Variants in SYNPO observed in about 807,000 individuals in gnomAD.
SYNPO encodes synaptopodin.
SYNPO carries 19 observed loss-of-function variants against 49.5 expected under a neutral mutation model. The observed-to-expected ratio is 0.38, with a 90% CI of 0.27 to 0.56. SYNPO has a LOEUF of 0.56. Among genes scored for constraint, SYNPO ranks in the 20% least tolerant of loss-of-function variants. SYNPO has a pLI of 0.68. For missense variants in SYNPO, 1,131 were observed against 1,248.3 expected, an observed-to-expected ratio of 0.91 and a Z score of 1.42; for synonymous variants, 536 against 548.0, an observed-to-expected ratio of 0.98 and a Z score of 0.31.
chr5:150,623,849 G>A (rs1170897582), intron 2 of SYNPO, among the ~76,000 whole-genome samples: 1 of 152,226 alleles, frequency 6.6e-6, no homozygotes, highest in Non-Finnish European at 1.5e-5. Flanking sequence ...GGAACCCGGG[G>A]AAACTTCGGT....
the SYNPO span, among the ~76,000 whole-genome samples, chr5:150,596,016 G>A: frequency 1.3e-5 from 2 of 152,250 alleles, no homozygotes; most frequent in Non-Finnish European, 2.9e-5. Flanking sequence ...TGCAAGGGCA[G>A]GTGGGTTGGG....
At position 150,628,936 on chromosome 5, in the gene SYNPO, GA is replaced by G. The variant is rs145352294; in HGVS notation, c.400+10170del. Among the ~76,000 whole-genome samples the G allele has an allele frequency of 0.015, 2,217 of 152,282 alleles. 104 individuals are homozygous for G. In the East Asian group the frequency reaches 0.18, roughly 13 times the overall value. ...AATAGAAATAGCAAGTTCTTAAGGA[GA>G]TGGGCTCTCGCTTAAGACTAATTGT... On this transcript the variant is annotated intron_variant, in intron 2 of 2. Transcript: ENST00000394243.
At chr5:150,627,952 CAG>C (rs1757411042) in intron 2 of SYNPO, among the ~76,000 whole-genome samples, 1 of 151,842 alleles carries the variant, frequency 6.6e-6, no homozygotes, top group Non-Finnish European at 1.5e-5. Context: ...GAGATCTGGT[CAG>C]AGGGGCGGCT....
intron 1 of SYNPO, among the ~76,000 whole-genome samples, chr5:150,642,320 C>T (rs561623281): frequency 6.6e-6 from 1 of 152,356 alleles, no homozygotes; most frequent in South Asian, 2.1e-4. Flanking sequence ...ACCCCTTCCT[C>T]TCTTGAAGGC....
intron 1 of SYNPO, among the ~76,000 whole-genome samples, chr5:150,605,842 A>G (rs565104004): frequency 7.3e-4 from 111 of 152,196 alleles, no homozygotes; most frequent in African/African-American, 2.6e-3. Flanking sequence ...ATATAGGCAC[A>G]AACGCACGAC....
chr5:150,658,614 A>G lies in SYNPO; in HGVS notation c.*1527A>G, dbSNP rs1365691579. ...ATTAGCTTCAGGATCAGCTGGGGGT[A>G]TGGAATTGGCTGAGGATCAAACGTA... is the stretch of plus-strand genomic sequence containing the variant. On this transcript the variant is annotated 3_prime_UTR_variant, in exon 3 of 3. Coordinates refer to ENST00000307662, the MANE Select transcript of SYNPO (RefSeq NM_007286.6). 1 of 152,476 alleles carries G rather than the reference A, an allele frequency of 6.6e-6. No homozygotes were observed. Among genetic ancestry groups the G allele is most frequent in the African/African-American group, 2.4e-5 (1 of 41,436 alleles). 9.4% of individuals were successfully genotyped at this position (152,476 alleles called of 1,614,324 possible).
chr5:150,607,518 C>A (rs1756728002), intron 1 of SYNPO, among the ~76,000 whole-genome samples: 1 of 152,182 alleles, frequency 6.6e-6, no homozygotes, highest in African/African-American at 2.4e-5. Flanking sequence ...GATAGCTGAT[C>A]TTTATTGAAG....
intron 1 of SYNPO, among the ~76,000 whole-genome samples, chr5:150,613,236 T>C (rs1045887909): frequency 2.0e-5 from 3 of 152,174 alleles, no homozygotes; most frequent in Non-Finnish European, 4.4e-5. Context: ...GAGCTGGGCC[T>C]TGCAGTCATT....
intron 2 of SYNPO, chr5:150,650,506 C>G (rs926567171): frequency 2.0e-6 from 3 of 1,483,830 alleles, no homozygotes; most frequent in African/African-American, 2.8e-5. Context: ...CGCCTCCCCT[C>G]TCTGAGCTGA....
At chr5:150,601,514 T>A (rs1424905456) in intron 1 of SYNPO, among the ~76,000 whole-genome samples, 1 of 152,180 alleles carries the variant, frequency 6.6e-6, no homozygotes, top group Non-Finnish European at 1.5e-5. Context: ...GTCATTTGCA[T>A]CCGTACAAGT....
rs1056258260 is a variant in SYNPO, at chr5:150,656,820, G to C, written c.2445G>C (p.Val815=). 1.3e-6 allele frequency: 2 copies of C among 1,528,016 alleles called. No homozygotes were observed. Among genetic ancestry groups the C allele is most frequent in the African/African-American group, 2.8e-5 (2 of 70,524 alleles). 94.7% of individuals were successfully genotyped at this position (1,528,016 alleles called of 1,614,324 possible). A position where few individuals can be genotyped will look rare whatever the true frequency, so the allele number is the denominator to read the frequency against. Residue 815 remains valine, a synonymous_variant, in exon 3 of 3, where the codon GTG becomes GTC. Coordinates refer to ENST00000307662, the MANE Select transcript of SYNPO (RefSeq NM_007286.6). ...PQPARPGSAA[V]PGAAFAPIPR... ...CCGCCCGCCCCGGCTCGGCTGCTGTGCCGGGGGCAGCCTTCGCGCCCATCC... is the reference window on the plus strand; with the variant it reads ...CCGCCCGCCCCGGCTCGGCTGCTGTCCCGGGGGCAGCCTTCGCGCCCATCC...
rs1756649542 is a variant in SYNPO at position 150,604,915 on chromosome 5, A to C, written c.-266+3727A>C. 2.0e-5 allele frequency among the ~76,000 whole-genome samples: 3 copies of C among 152,316 alleles called. No individual in the cohort carries two copies. The South Asian group carries it at 6.2e-4, about 32-fold the overall frequency. ...GAGAGAAGAGCACCAACTCTTCTGC[A>C]GGCCTGGGTTCCAGTCCCATCCCCG... is the stretch of plus-strand genomic sequence containing the variant. On this transcript the variant is annotated intron_variant, in intron 1 of 2. Coordinates refer to the SYNPO transcript ENST00000394243.
chr5:150,598,169 T>C (rs549532131), upstream of SYNPO, among the ~76,000 whole-genome samples: 4 of 152,128 alleles, frequency 2.6e-5, no homozygotes, highest in South Asian at 2.1e-4. Flanking sequence ...AAACACACAC[T>C]ACCTCCTTCC....
At chr5:150,655,761 TC>T (rs908653670) in intron 2 of SYNPO, among the ~76,000 whole-genome samples, 5 of 152,220 alleles carry the variant, frequency 3.3e-5, no homozygotes, top group Non-Finnish European at 7.3e-5. Context: ...CAAGCGATCC[TC>T]CTGCCTCAGC....
Position 150,619,250 on chromosome 5 carries a change from T to C in SYNPO, c.400+483T>C, listed in dbSNP as rs545386321. Among the ~76,000 whole-genome samples, 10 of 152,168 alleles carry C rather than the reference T, an allele frequency of 6.6e-5. No homozygotes were observed. The East Asian group carries it at 1.9e-3, about 29-fold the overall frequency. ...CTTGGGAGGTAGAGACTGAAGCCTT[T>C]GATAGAATTTGACCCCCCAATTTTA... On this transcript the variant is annotated intron_variant, in intron 2 of 2. Transcript: ENST00000394243.
At chr5:150,609,645 T>C (rs1391145760) in intron 1 of SYNPO, among the ~76,000 whole-genome samples, 1 of 152,268 alleles carries the variant, frequency 6.6e-6, no homozygotes, top group Non-Finnish European at 1.5e-5. Context: ...TGCAATGCAA[T>C]ATTTGGGAGC....
At chr5:150,632,965 T>C (rs1757591137) in intron 2 of SYNPO, among the ~76,000 whole-genome samples, 1 of 152,184 alleles carries the variant, frequency 6.6e-6, no homozygotes, top group Non-Finnish European at 1.5e-5. Flanking sequence ...CCATTCCTTC[T>C]GGCCCTGATC....
rs769889153 is a variant in SYNPO, at chr5:150,648,844, G to A, written c.569G>A (p.Ser190Asn). The stretch of plus-strand genomic sequence containing the variant: ...CCCCCAGCCTCAGATTTCATGTCCA[G>A]CTCCCTGCTCATTGACATCCAGCCC... ...SRPPASDFMS[S>N]SLLIDIQPNT... The change falls in exon 2 of 3, where the codon AGC becomes AAC. Residue 190 changes from serine (S) to asparagine (N), a missense_variant. Ser to Asn is a conservative substitution (Grantham distance 46, BLOSUM62 1). This residue lies in a region of SYNPO where 602 missense variants were observed against 720.7 expected (regional missense o/e 0.84). Transcript: ENST00000307662. This position sits in a 1 kb window ranked among gnomAD's most constrained non-coding sequence, Gnocchi z 5.0. 1.4e-5 allele frequency: 22 copies of A among 1,614,026 alleles called. No individual in the cohort carries two copies. Among genetic ancestry groups the A allele is most frequent in the Non-Finnish European group, 1.7e-5 (20 of 1,180,020 alleles).
intron 2 of SYNPO, among the ~76,000 whole-genome samples, chr5:150,623,438 G>A (rs1001322067): frequency 1.3e-5 from 2 of 152,042 alleles, no homozygotes; most frequent in Non-Finnish European, 2.9e-5. Flanking sequence ...AGGCTGGGCT[G>A]CAGCCACTTC....
Sources: gnomAD v4.1 joint callset for allele counts (sites outside exome capture counted in the v4.1 genomes callset) on GRCh38, gnomAD v4.1.1 for gene constraint, gnomAD v4.1.1 regional missense constraint, Gnocchi (gnomAD v3.1) non-coding constraint, MANE v1.5 for transcripts, NCBI Gene and HGNC (gene_info 2026-07-23, HGNC 2026-07-21) for gene names.